The following CENPP variants were observed in gnomAD, a reference collection of about 807,000 sequenced individuals.
The protein encoded by CENPP is centromere protein P.
In CENPP, 24 loss-of-function variants were observed where a neutral mutation model predicts 35.6. That is an observed-to-expected ratio of 0.67 (90% CI 0.49 to 0.95). The LOEUF (loss-of-function observed/expected upper bound fraction) is 0.95. CENPP is among the 40% of genes least tolerant of loss of function. The pLI is 0.00. For synonymous variants in CENPP, 120 were observed against 125.5 expected (o/e 0.96, Z 0.29); for missense variants, 332 against 345.3 (o/e 0.96, Z 0.31).
chr9:92,545,707 C>A (rs778235022), intron 5 of CENPP, among the ~76,000 whole-genome samples: 3 of 151,360 alleles, frequency 2.0e-5, no homozygotes, highest in Non-Finnish European at 4.4e-5. Context: ...CAGCTGGGCT[C>A]ATCCAGCTGG....
Position 92,491,751 on chromosome 9 carries a change from C to CAAAA in CENPP, c.564+111892_564+111893insAAAA, listed in dbSNP as rs1564350619. Among the ~76,000 whole-genome samples the CAAAA allele has an allele frequency of 3.3e-5, 5 of 152,134 alleles. No homozygotes were observed. The East Asian group carries it at 9.6e-4, about 29-fold the overall frequency. ...TCACTGAATTCCTTTTGATGTCTCT[C>CAAAA]GTATCTGTGCTGTGAAGGCTCTCAC... On this transcript the variant is annotated intron_variant, in intron 5 of 7. Coordinates refer to ENST00000375587, the MANE Select transcript of CENPP (RefSeq NM_001012267.3).
At chr9:92,386,975 G>A (rs1439338102) in intron 5 of CENPP, among the ~76,000 whole-genome samples, 5 of 150,190 alleles carry the variant, frequency 3.3e-5, no homozygotes, top group Non-Finnish European at 5.9e-5. Flanking sequence ...GTGAACCCAG[G>A]AGGCAGAGCT....
intron 5 of CENPP, chr9:92,464,778 G>A (rs1346320743): frequency 2.7e-6 from 2 of 737,982 alleles, no homozygotes; most frequent in South Asian, 1.5e-5. Flanking sequence ...TTTTATGTGT[G>A]TGTAGACTAT....
chr9:92,600,527 G>A lies in CENPP; in HGVS notation c.565-10787G>A, dbSNP rs778505112. On this transcript the variant is annotated intron_variant, in intron 5 of 7. Coordinates refer to ENST00000375587, the MANE Select transcript of CENPP (RefSeq NM_001012267.3). ...AGATGAGGTAAGTGCTGAGGGCTGG[G>A]CCACCCCACTGGGGCTGGGGCACAT... The A allele has an allele frequency of 1.9e-6, 3 of 1,612,792 alleles. No homozygotes were observed. In the Admixed American group the frequency reaches 5.0e-5, roughly 27 times the overall value.
Position 92,484,642 on chromosome 9 carries a change from C to G in CENPP, c.564+104783C>G, listed in dbSNP as rs569898796. Among the ~76,000 whole-genome samples the G allele has an allele frequency of 2.5e-4, 38 of 152,274 alleles. 2 individuals are homozygous for G. In the South Asian group the frequency reaches 7.9e-3, roughly 32 times the overall value. ...TTTCAACTTCTCTTTAAAAATTAGG[C>G]TTTCCCAGTCTGTGATTTCTGGTTT... is the stretch of plus-strand genomic sequence containing the variant. On this transcript the variant is annotated intron_variant, in intron 5 of 7. Transcript: ENST00000375587.
intron 5 of CENPP, 142 bp from the exon 6 acceptor site, chr9:92,611,172 G>A (rs967535774): frequency 5.9e-6 from 4 of 682,756 alleles, no homozygotes; most frequent in Admixed American, 4.5e-5. Flanking sequence ...AAGGGCAAGA[G>A]GGGCGGTTGG....
At chr9:92,403,628 C>T in intron 5 of CENPP, 1 of 1,192,710 alleles carries the variant, frequency 8.4e-7, no homozygotes. Context: ...TATCAGTGAA[C>T]ATTCTGAAAA....
At chr9:92,466,642 G>A in intron 5 of CENPP, 2 of 1,286,742 alleles carry the variant, frequency 1.6e-6, no homozygotes, top group Admixed American at 3.6e-5. Context: ...ACAGTGATTA[G>A]CCAATGATGG....
In CENPP at chr9:92,337,218, T is replaced by C. The variant is rs1049508825; in HGVS notation, c.290-323T>C. Among the ~76,000 whole-genome samples, 5 of 151,968 alleles carry C rather than the reference T, an allele frequency of 3.3e-5. No individual in the cohort carries two copies. In the East Asian group the frequency reaches 7.7e-4, roughly 24 times the overall value. ...CTGTAATCCCAGCTACTCGGGAGGC[T>C]GAGGCAGGAGAATTGCTTGAACCCA... On this transcript the variant is annotated intron_variant, in intron 2 of 7. Transcript: ENST00000375587.
intron 5 of CENPP, among the ~76,000 whole-genome samples, chr9:92,569,994 G>C (rs1850093093): frequency 6.6e-6 from 1 of 152,114 alleles, no homozygotes; most frequent in South Asian, 2.1e-4. Context: ...AGATGATGGG[G>C]TTTTCTAAAT....
chr9:92,435,498 T>C (rs1844225648), intron 5 of CENPP, among the ~76,000 whole-genome samples: 1 of 152,198 alleles, frequency 6.6e-6, no homozygotes, highest in Non-Finnish European at 1.5e-5. Context: ...GTTGAGATAG[T>C]AGAATTACAG....
chr9:92,430,653 G>A (rs1252120463), intron 5 of CENPP, among the ~76,000 whole-genome samples: 1 of 152,014 alleles, frequency 6.6e-6, no homozygotes, highest in East Asian at 1.9e-4. Context: ...ACCACGCCTG[G>A]ACAAGTTTAT....
chr9:92,555,972 A>G lies in CENPP; in HGVS notation c.565-55342A>G, dbSNP rs1849715621. ...TTGTTCTTGTTTCTCTAGTTCCTTG[A>G]GTTGTGACCTTAGATTGTCTGTGCT... On this transcript the variant is annotated intron_variant, in intron 5 of 7. Coordinates refer to ENST00000375587, the MANE Select transcript of CENPP (RefSeq NM_001012267.3). Among the ~76,000 whole-genome samples the G allele has an allele frequency of 2.6e-5, 4 of 151,754 alleles. No individual in the cohort carries two copies. In the South Asian group the frequency reaches 8.3e-4, roughly 31 times the overall value.
chr9:92,407,557 G>C (rs914464101), intron 5 of CENPP, among the ~76,000 whole-genome samples: 1 of 152,208 alleles, frequency 6.6e-6, no homozygotes, highest in South Asian at 2.1e-4. Flanking sequence ...GATGAAAGCT[G>C]TCTCATGCTC....
intron 4 of CENPP, among the ~76,000 whole-genome samples, chr9:92,357,188 G>C (rs865999161): frequency 2.2e-4 from 34 of 151,294 alleles, no homozygotes; most frequent in Admixed American, 1.9e-3. Flanking sequence ...TACCTTTATT[G>C]AGTCTTTTTT....
chr9:92,554,769 C>T (rs1849685348), intron 5 of CENPP, among the ~76,000 whole-genome samples: 1 of 152,134 alleles, frequency 6.6e-6, no homozygotes, highest in African/African-American at 2.4e-5. Context: ...TCCCAAATAG[C>T]TGAGACTACA....
At chr9:92,567,255 T>C (rs1465926238) in intron 5 of CENPP, among the ~76,000 whole-genome samples, 1 of 151,906 alleles carries the variant, frequency 6.6e-6, no homozygotes, top group East Asian at 1.9e-4. Context: ...AAAGCTTGTA[T>C]TGTAACAACT....
At chr9:92,600,692 C>T (rs1378096108) in intron 5 of CENPP, among the ~76,000 whole-genome samples, 2 of 152,242 alleles carry the variant, frequency 1.3e-5, no homozygotes, top group Non-Finnish European at 2.9e-5. Flanking sequence ...GCTGCAATGA[C>T]ATTCCAGCTC....
intron 5 of CENPP, among the ~76,000 whole-genome samples, chr9:92,386,032 A>G (rs1842406153): frequency 6.6e-6 from 1 of 152,242 alleles, no homozygotes; most frequent in African/African-American, 2.4e-5. Context: ...TTCTGGGAAG[A>G]AAGTTCATGA....
Sources: allele counts gnomAD v4.1 joint callset (sites outside exome capture counted in the v4.1 genomes callset), GRCh38; gene constraint gnomAD v4.1.1; transcripts MANE v1.5; gene names NCBI Gene and HGNC (gene_info 2026-07-23, HGNC 2026-07-21).